The following TMPRSS11A variants were observed in gnomAD, a reference collection of about 807,000 sequenced individuals.
The protein encoded by TMPRSS11A is transmembrane protease serine 11A.
Under a neutral mutation model 58.9 loss-of-function variants are expected in TMPRSS11A, and 53 were observed. The ratio of observed to expected loss-of-function variants is 0.90; its 90% CI spans 0.72 to 1.13. The LOEUF is 1.13. Ranked by LOEUF, TMPRSS11A falls within the 50% of genes most tolerant of loss-of-function variation. The pLI is 0.00. For synonymous variants in TMPRSS11A, 167 were observed against 169.8 expected (o/e 0.98, Z 0.13); for missense variants, 493 against 499.3 (o/e 0.99, Z 0.12).
At chr4:67,929,838 C>G in intron 5 of TMPRSS11A, 42 bp downstream of exon 5, 3 of 1,494,642 alleles carry the variant, frequency 2.0e-6, no homozygotes, top group Non-Finnish European at 2.7e-6. Context: ...AAACATGGAC[C>G]TAATAGACAA....
intron 4 of TMPRSS11A, 122 bp downstream of exon 4, chr4:67,931,864 AGGTAATG>A: frequency 1.6e-6 from 1 of 623,698 alleles, no homozygotes; most frequent in East Asian, 2.6e-5. Context: ...ACTGCTTTAA[AGGTAATG>A]TTTATGAAAA....
chr4:67,932,862 A>G (rs1050172865), intron 3 of TMPRSS11A, among the ~76,000 whole-genome samples: 2 of 152,138 alleles, frequency 1.3e-5, no homozygotes, highest in African/African-American at 2.4e-5. Flanking sequence ...AGGTAGGAGA[A>G]GCAAAGCCAC....
chr4:67,929,870 A>C lies in TMPRSS11A; in HGVS notation c.481+10T>G, dbSNP rs1329764698. ...ACAACTTCATATCACATAGAAGGGG[A>C]CCTCCTTACCATTAACTTGAACTGA... On this transcript the variant is annotated intron_variant, in intron 5 of 9. Coordinates refer to ENST00000508048, the MANE Select transcript of TMPRSS11A (RefSeq NM_001114387.2). 2 of 1,599,850 alleles carry C rather than the reference A, an allele frequency of 1.3e-6. No individual in the cohort carries two copies. Among genetic ancestry groups the C allele is most frequent in the Non-Finnish European group, 1.7e-6 (2 of 1,170,844 alleles).
intron 9 of TMPRSS11A, among the ~76,000 whole-genome samples, chr4:67,912,574 C>T (rs888440646): frequency 6.6e-6 from 1 of 152,082 alleles, no homozygotes; most frequent in African/African-American, 2.4e-5. Context: ...TTCTTAATTC[C>T]ACCCTCACAG....
chr4:67,922,645 T>G lies in TMPRSS11A; in HGVS notation c.692+110A>C, dbSNP rs1720359910. 4 of 1,087,396 alleles carry G rather than the reference T, an allele frequency of 3.7e-6. No homozygotes were observed. In the East Asian group the frequency reaches 1.0e-4, roughly 27 times the overall value. 67.4% of individuals were successfully genotyped at this position (1,087,396 alleles called of 1,614,324 possible). ...TTTTAGAAAAGAACCTGAAATAACT[T>G]TTTCTTATTTTACTTCAGTAATATT... On this transcript the variant is annotated intron_variant, in intron 7 of 9. Transcript: ENST00000508048.
At chr4:67,950,994 C>T (rs933760918) in intron 1 of TMPRSS11A, among the ~76,000 whole-genome samples, 9 of 152,216 alleles carry the variant, frequency 5.9e-5, no homozygotes, top group African/African-American at 1.2e-4. Flanking sequence ...TCACCTTTGG[C>T]TGTCACCTGG....
chr4:67,944,129 T>G (rs986292699), intron 3 of TMPRSS11A, among the ~76,000 whole-genome samples: 2 of 152,196 alleles, frequency 1.3e-5, no homozygotes, highest in African/African-American at 2.4e-5. Context: ...AATCTTAAAA[T>G]GTGGTCTTAC....
chr4:67,955,751 A>G (rs1721275105), intron 1 of TMPRSS11A, among the ~76,000 whole-genome samples: 2 of 152,132 alleles, frequency 1.3e-5, no homozygotes, highest in Non-Finnish European at 2.9e-5. Flanking sequence ...GGAGGAAGGG[A>G]TGAGTAAGAC....
chr4:67,943,563 C>T (rs112488045), intron 3 of TMPRSS11A, among the ~76,000 whole-genome samples: 18 of 152,184 alleles, frequency 1.2e-4, no homozygotes, highest in African/African-American at 4.1e-4. Flanking sequence ...GAACTGATTG[C>T]AAATGCTCTT....
intron 8 of TMPRSS11A, among the ~76,000 whole-genome samples, chr4:67,917,054 C>A (rs1720177946): frequency 6.6e-6 from 1 of 151,994 alleles, no homozygotes; most frequent in Non-Finnish European, 1.5e-5. Context: ...ACATTTCTAG[C>A]AAAATATTGA....
At chr4:67,917,359 T>G (rs1225413767) in intron 8 of TMPRSS11A, among the ~76,000 whole-genome samples, 1 of 152,212 alleles carries the variant, frequency 6.6e-6, no homozygotes, top group Non-Finnish European at 1.5e-5. Context: ...AGATATTCTC[T>G]TTATTTACAT....
intron 7 of TMPRSS11A, among the ~76,000 whole-genome samples, chr4:67,921,951 TA>T (rs1489165417): frequency 1.3e-5 from 2 of 152,244 alleles, no homozygotes; most frequent in Non-Finnish European, 2.9e-5. Context: ...GTAATAGTGA[TA>T]AAAATGACTG....
chr4:67,958,271 A>C (rs550926088), intron 1 of TMPRSS11A, among the ~76,000 whole-genome samples: 1 of 152,268 alleles, frequency 6.6e-6, no homozygotes, highest in Admixed American at 6.5e-5. Context: ...GACAGCTTTC[A>C]CCATGCACCT....
intron 9 of TMPRSS11A, 123 bp from the exon 10 acceptor site, chr4:67,911,626 G>T (rs1467460456): frequency 1.8e-6 from 1 of 569,380 alleles, no homozygotes; most frequent in Non-Finnish European, 2.9e-6. Flanking sequence ...TATCAACACA[G>T]AATAATTAAT....
intron 5 of TMPRSS11A, 138 bp downstream of exon 5, chr4:67,929,742 G>A (rs1204689178): frequency 1.2e-6 from 1 of 808,112 alleles, no homozygotes; most frequent in African/African-American, 1.7e-5. Context: ...ACCTTGAAAT[G>A]TCACATCTTT....
chr4:67,945,854 A>G (rs1472773860), intron 2 of TMPRSS11A, among the ~76,000 whole-genome samples: 2 of 152,252 alleles, frequency 1.3e-5, no homozygotes, highest in Non-Finnish European at 2.9e-5. Flanking sequence ...TATTTGTGTA[A>G]TTACAAATAT....
Position 67,963,269 on chromosome 4 carries a change from T to C in TMPRSS11A, c.11+114A>G, listed in dbSNP as rs1577877097. The C allele has an allele frequency of 1.1e-5, 10 of 951,272 alleles. No individual in the cohort carries two copies. In the East Asian group the frequency reaches 2.4e-4, roughly 23 times the overall value. The allele number at this position is 951,272 out of a possible 1,614,324, so 58.9% of individuals were successfully genotyped here. A position where few individuals can be genotyped will look rare whatever the true frequency, so the allele number is the denominator to read the frequency against. On this transcript the variant is annotated intron_variant, in intron 1 of 9. Coordinates refer to ENST00000508048, the MANE Select transcript of TMPRSS11A (RefSeq NM_001114387.2). ...ATTCCAGAAATTTAAAAAAATCCAG[T>C]GCAGATTGAATCCACCAAAGACACC...
At chr4:67,948,370 G>A (rs1339634232) in intron 1 of TMPRSS11A, among the ~76,000 whole-genome samples, 3 of 152,046 alleles carry the variant, frequency 2.0e-5, no homozygotes, top group African/African-American at 7.2e-5. Context: ...GTGTTAGCCA[G>A]GATGGTCTCC....
intron 5 of TMPRSS11A, among the ~76,000 whole-genome samples, chr4:67,927,595 G>A (rs1428926560): frequency 6.6e-6 from 1 of 152,232 alleles, no homozygotes; most frequent in Admixed American, 6.5e-5. Flanking sequence ...GGTGGGCACA[G>A]TCTGCCAGGT....
Sources: gnomAD v4.1 joint callset for allele counts (sites outside exome capture counted in the v4.1 genomes callset) on GRCh38, gnomAD v4.1.1 for gene constraint, MANE v1.5 for transcripts, NCBI Gene and HGNC (gene_info 2026-07-23, HGNC 2026-07-21) for gene names.